LCORL: variants seen among roughly 807,000 people sequenced by gnomAD.
LCORL encodes ligand-dependent nuclear receptor corepressor-like protein.
A neutral mutation model predicts 141.8 loss-of-function variants in LCORL; 41 were observed. That is an observed-to-expected ratio of 0.29 (90% CI 0.23 to 0.38). The LOEUF (loss-of-function observed/expected upper bound fraction) is 0.38, where lower values mean the gene tolerates loss of function less well. Among genes scored for constraint, LCORL ranks in the 10% least tolerant of loss-of-function variants. LCORL has a pLI of 1.00. For synonymous variants in LCORL, 618 were observed against 694.1 expected, an observed-to-expected ratio of 0.89 and a Z score of 1.72; for missense variants, 1,759 against 2,035.0, an observed-to-expected ratio of 0.86 and a Z score of 2.61.
intron 1 of LCORL, among the ~76,000 whole-genome samples, chr4:18,019,257 TGAATCCAGGAG>T (rs1725109986): frequency 6.6e-6 from 1 of 152,194 alleles, no homozygotes; most frequent in Non-Finnish European, 1.5e-5. Context: ...GAGAATCGCT[TGAATCCAGGAG>T]GCGGAGGTTG....
At chr4:17,976,864 C>T (rs1230544719) in intron 1 of LCORL, among the ~76,000 whole-genome samples, 1 of 152,040 alleles carries the variant, frequency 6.6e-6, no homozygotes, top group Non-Finnish European at 1.5e-5. Flanking sequence ...CGTAATGTGC[C>T]TTTTTCTGAC....
intron 4 of LCORL, among the ~76,000 whole-genome samples, chr4:17,934,598 GCT>G: frequency 1.3e-5 from 2 of 152,090 alleles, no homozygotes. Flanking sequence ...TGTAATTGAT[GCT>G]CTGAGAAAGG....
At chr4:17,926,338 G>C (rs775087980) in intron 4 of LCORL, among the ~76,000 whole-genome samples, 6 of 152,202 alleles carry the variant, frequency 3.9e-5, no homozygotes, top group Non-Finnish European at 7.3e-5. Flanking sequence ...TCAGCTGCCA[G>C]CTCGGCTACG....
At chr4:17,885,586 C>T (rs1728157597) in intron 6 of LCORL, among the ~76,000 whole-genome samples, 1 of 151,746 alleles carries the variant, frequency 6.6e-6, no homozygotes, top group East Asian at 1.9e-4. Context: ...CTTTTCAAAA[C>T]ATGAGAGGAC....
At chr4:17,873,874 G>T (rs1560274799) in exon 7 of LCORL, 8 of 1,233,836 alleles carry the variant, frequency 6.5e-6, no homozygotes, top group African/African-American at 3.1e-5. Flanking sequence ...GGTCCCTTTT[G>T]AAAGTCTTTT....
chr4:17,931,386 T>G (rs1234153961), intron 4 of LCORL, among the ~76,000 whole-genome samples: 1 of 152,080 alleles, frequency 6.6e-6, no homozygotes, highest in East Asian at 1.9e-4. Context: ...TACTTTGCGA[T>G]TTTTCTTAGC....
intron 1 of LCORL, among the ~76,000 whole-genome samples, chr4:18,005,763 C>T (rs1024993396): frequency 1.4e-4 from 22 of 152,056 alleles, no homozygotes; most frequent in African/African-American, 3.9e-4. Flanking sequence ...TGGAGTGGCT[C>T]GGACACAGAG....
At chr4:17,862,240 A>G (rs1342246615) in intron 7 of LCORL, among the ~76,000 whole-genome samples, 1 of 152,258 alleles carries the variant, frequency 6.6e-6, no homozygotes, top group Non-Finnish European at 1.5e-5. Flanking sequence ...TTGCTGGGGA[A>G]GCCTCACAAT....
At chr4:17,971,406 G>A (rs1054236215) in intron 2 of LCORL, among the ~76,000 whole-genome samples, 10 of 150,246 alleles carry the variant, frequency 6.7e-5, no homozygotes, top group East Asian at 1.9e-4. Context: ...GCATATATCC[G>A]AATTATAAAT....
At chr4:17,856,093 TTCCAGTATGG>T (rs1164031599) in intron 7 of LCORL, among the ~76,000 whole-genome samples, 6 of 152,334 alleles carry the variant, frequency 3.9e-5, no homozygotes, top group African/African-American at 1.4e-4. Context: ...CCTTAAACGA[TTCCAGTATGG>T]CTTCTAGTGC....
intron 4 of LCORL, among the ~76,000 whole-genome samples, chr4:17,922,830 T>C (rs1279510426): frequency 6.6e-6 from 1 of 152,188 alleles, no homozygotes; most frequent in African/African-American, 2.4e-5. Flanking sequence ...GATGAGCTTT[T>C]AGTCAGAGGA....
intron 4 of LCORL, among the ~76,000 whole-genome samples, chr4:17,924,864 G>A (rs1190500597): frequency 6.6e-6 from 1 of 152,158 alleles, no homozygotes; most frequent in Admixed American, 6.5e-5. Context: ...ACTTTGCGGG[G>A]CTAGGGCGAA....
intron 5 of LCORL, chr4:17,893,429 T>C (rs1013555334): frequency 1.0e-6 from 1 of 984,136 alleles, no homozygotes; most frequent in Admixed American, 6.2e-5. Context: ...CATAAGGATG[T>C]CAAAAATATA....
chr4:17,884,263 G>C lies in LCORL; in HGVS notation c.776+1805C>G. 6.4e-7 allele frequency: 1 copy of C among 1,550,738 alleles called. No homozygotes were observed. Among genetic ancestry groups the C allele is most frequent in the Non-Finnish European group, 8.7e-7 (1 of 1,146,372 alleles). ...CAGAACCATCAGGTTGTGATTTTGA[G>C]ACAGAACTTACTCGTAGCTGAGGAA... On this transcript the variant is annotated intron_variant, in intron 6 of 7. Coordinates refer to ENST00000635767, the Ensembl canonical transcript of LCORL. The surrounding 1 kb of genome is among the most constrained non-coding windows in gnomAD (Gnocchi z 4.4).
chr4:17,940,962 T>A lies in LCORL; in HGVS notation c.430+20941A>T, dbSNP rs76602716. Among the ~76,000 whole-genome samples, 309 of 152,336 alleles carry A rather than the reference T, an allele frequency of 2.0e-3. 6 individuals are homozygous for A. In the East Asian group the frequency reaches 0.041, roughly 20 times the overall value. On this transcript the variant is annotated intron_variant, in intron 4 of 7. Transcript: ENST00000635767. ...CGAAATGTTATATCCACTGTTTCAC[T>A]TCTTGTAACTGTGAGGTAGAAAAAG...
chr4:17,891,847 G>A (rs1276339428), intron 5 of LCORL, among the ~76,000 whole-genome samples: 4 of 152,154 alleles, frequency 2.6e-5, no homozygotes, highest in Non-Finnish European at 5.9e-5. Flanking sequence ...GGTTGATAAA[G>A]CGTCGAGCAG....
intron 2 of LCORL, among the ~76,000 whole-genome samples, chr4:17,969,897 C>T (rs1198038354): frequency 1.3e-5 from 2 of 152,104 alleles, no homozygotes; most frequent in Non-Finnish European, 2.9e-5. Flanking sequence ...GGAATGGGTA[C>T]ATTTTGGAGT....
rs757306041 is a variant in LCORL at position 17,877,467 on chromosome 4, A to C, written c.1523T>G (p.Leu508Arg). Residue 508 changes from leucine (L) to arginine (R), a missense_variant, in exon 7 of 8, where the codon CTC becomes CGC. Physicochemically the swap from Leu to Arg is moderately radical, Grantham distance 102. This residue lies in a region of LCORL where 1,311 missense variants were observed against 1,531.3 expected (regional missense o/e 0.86). Transcript: ENST00000635767. ...AGTAGAATTATTGCTGTCATTTGAG[A>C]GTAAAGAATAAGAGTTACTGGATTT... is the stretch of plus-strand genomic sequence containing the variant. The C allele has an allele frequency of 1.0e-3, 1,232 of 1,229,036 alleles. 2 individuals carry two copies. Among genetic ancestry groups the C allele is most frequent in the Middle Eastern group, 3.7e-3 (12 of 3,200 alleles). 76.1% of individuals were successfully genotyped at this position (1,229,036 alleles called of 1,614,324 possible).
chr4:17,854,416 TG>T (rs1333298545), intron 7 of LCORL, among the ~76,000 whole-genome samples: 1 of 152,186 alleles, frequency 6.6e-6, no homozygotes, highest in Non-Finnish European at 1.5e-5. Context: ...GTGTTTTCAC[TG>T]GGGATAAAAT....
Sources: gnomAD v4.1 joint callset for allele counts (sites outside exome capture counted in the v4.1 genomes callset) on GRCh38, gnomAD v4.1.1 for gene constraint, gnomAD v4.1.1 regional missense constraint, Gnocchi (gnomAD v3.1) non-coding constraint, MANE v1.5 for transcripts, NCBI Gene and HGNC (gene_info 2026-07-23, HGNC 2026-07-21) for gene names.